Variants in KDM2B observed in about 807,000 individuals in gnomAD.
KDM2B encodes lysine demethylase 2B.
In KDM2B, 26 loss-of-function variants were observed where a neutral mutation model predicts 150.0. The ratio of observed to expected loss-of-function variants is 0.17; its 90% CI spans 0.13 to 0.24. The LOEUF is 0.24. Ranked by LOEUF, KDM2B falls within the 10% of genes least tolerant of loss-of-function variation. The pLI is 1.00. For synonymous variants in KDM2B, 734 were observed against 729.5 expected (o/e 1.01, Z -0.10); for missense variants, 1,265 against 1,816.9 (o/e 0.70, Z 5.52).
At chr12:121,557,231 A>ATT (rs142679491) in intron 4 of KDM2B, among the ~76,000 whole-genome samples, 162 of 103,682 alleles carry the variant, frequency 1.6e-3, no homozygotes, top group Middle Eastern at 0.015. Context: ...AGACAAGAGA[A>ATT]TTTTTTTTTT....
At chr12:121,427,180 G>A (rs147140995), downstream of KDM2B, among the ~76,000 whole-genome samples, 25 of 152,248 alleles carry the variant, frequency 1.6e-4, no homozygotes, top group Non-Finnish European at 3.2e-4. Flanking sequence ...CAGACATGGC[G>A]TGTAGGCTCA....
At chr12:121,443,646 C>T (rs539039577) in intron 17 of KDM2B, 34 bp downstream of exon 17, 161 of 1,350,970 alleles carry the variant, frequency 1.2e-4, no homozygotes, top group Middle Eastern at 2.3e-4. Flanking sequence ...CGCCAGTCCC[C>T]GGGGCCTCAG....
chr12:121,572,507 C>T (rs922438880), intron 4 of KDM2B, among the ~76,000 whole-genome samples: 1 of 152,184 alleles, frequency 6.6e-6, no homozygotes, highest in Non-Finnish European at 1.5e-5. Flanking sequence ...AGCTGATTCT[C>T]ATCAGTCAGG....
At chr12:121,448,732 C>T (rs1324248756) in intron 13 of KDM2B, among the ~76,000 whole-genome samples, 1 of 152,216 alleles carries the variant, frequency 6.6e-6, no homozygotes, top group Non-Finnish European at 1.5e-5. Context: ...GAAGGCAAGG[C>T]AGTCATCGTT....
At chr12:121,485,520 G>C (rs2140145787) in intron 12 of KDM2B, among the ~76,000 whole-genome samples, 1 of 152,138 alleles carries the variant, frequency 6.6e-6, no homozygotes, top group South Asian at 2.1e-4. Flanking sequence ...CCACTGTTAT[G>C]AGACCTTCAG....
chr12:121,569,871 G>A (rs1211908880), intron 4 of KDM2B, among the ~76,000 whole-genome samples: 5 of 147,686 alleles, frequency 3.4e-5, no homozygotes, highest in East Asian at 2.0e-4. Context: ...ACAGGATCTC[G>A]CTCTGTTGCC....
intron 11 of KDM2B, among the ~76,000 whole-genome samples, chr12:121,507,955 G>A (rs1353781946): frequency 2.6e-5 from 4 of 152,164 alleles, no homozygotes; most frequent in African/African-American, 9.7e-5. Context: ...AGGCTGCAGG[G>A]AGCCAAGCTC....
intron 2 of KDM2B, 25 bp downstream of exon 2, chr12:121,578,777 G>A (rs1555317312): frequency 2.0e-6 from 3 of 1,490,806 alleles, no homozygotes; most frequent in Non-Finnish European, 1.8e-6. Flanking sequence ...AGCGCAGAGG[G>A]CGGCCCGGGG....
At chr12:121,547,645 C>CTTTTT (rs55686141) in intron 6 of KDM2B, among the ~76,000 whole-genome samples, 1 of 80,268 alleles carries the variant, frequency 1.2e-5, no homozygotes, top group African/African-American at 4.2e-5. Flanking sequence ...CTTCCCCTTC[C>CTTTTT]TTTTTTTTTT....
chr12:121,414,248 A>C, the KDM2B span, among the ~76,000 whole-genome samples: 2 of 152,262 alleles, frequency 1.3e-5, no homozygotes, highest in Non-Finnish European at 2.9e-5. Flanking sequence ...TACCTCAGCT[A>C]TCTCGACTTC....
chr12:121,450,874 G>A (rs7957459), intron 13 of KDM2B, among the ~76,000 whole-genome samples: 9,374 of 151,562 alleles, frequency 0.062, 938 homozygotes, highest in African/African-American at 0.21. Flanking sequence ...AAAAAAAGAG[G>A]AAGAAACAGG....
chr12:121,442,885 C>A lies in KDM2B; in HGVS notation c.2605-49G>T, dbSNP rs782617128. ...TCAGCCTCTGGGGCTCAGGGCTGCGCCCGCCCAAGGCCTCCCGCCCCCCTG... is the reference window on the plus strand; with the variant it reads ...TCAGCCTCTGGGGCTCAGGGCTGCGACCGCCCAAGGCCTCCCGCCCCCCTG... On this transcript the variant is annotated intron_variant, in intron 18 of 22. Coordinates refer to ENST00000377071, the MANE Select transcript of KDM2B (RefSeq NM_032590.5). The surrounding 1 kb of genome is among the most constrained non-coding windows in gnomAD (Gnocchi z 7.7). The A allele has an allele frequency of 3.2e-6, 5 of 1,541,218 alleles. No homozygotes were observed. In the African/African-American group the frequency reaches 6.9e-5, roughly 21 times the overall value.
At chr12:121,576,646 G>A (rs1279640025) in intron 2 of KDM2B, among the ~76,000 whole-genome samples, 1 of 152,156 alleles carries the variant, frequency 6.6e-6, no homozygotes, top group Non-Finnish European at 1.5e-5. Context: ...CCTGGAGGAT[G>A]AAGGAGGCCT....
At chr12:121,444,829 C>G in intron 14 of KDM2B, 2 of 506,650 alleles carry the variant, frequency 3.9e-6, no homozygotes, top group South Asian at 2.1e-5. Flanking sequence ...GCCCATCTCA[C>G]TGGGGGGGTA....
intron 19 of KDM2B, 130 bp from the exon 20 acceptor site, chr12:121,441,363 CTA>C (rs1875002453): frequency 5.0e-6 from 4 of 805,352 alleles, no homozygotes; most frequent in Non-Finnish European, 3.8e-6. Flanking sequence ...GGACCCTTCT[CTA>C]TGTAGCACCT....
chr12:121,581,774 C>T (rs1264417816), upstream of KDM2B, among the ~76,000 whole-genome samples: 3 of 152,206 alleles, frequency 2.0e-5, no homozygotes, highest in African/African-American at 7.2e-5. Context: ...CCATATGGTC[C>T]CCAGGCTATC....
rs1885777644 is a variant in KDM2B, at chr12:121,513,612, C to T, written c.1048-210G>A. Among the ~76,000 whole-genome samples, 2 of 152,116 alleles carry T rather than the reference C, an allele frequency of 1.3e-5. No individual in the cohort carries two copies. On this transcript the variant is annotated intron_variant, in intron 9 of 22. Transcript: ENST00000377071. The surrounding 1 kb of genome is among the most constrained non-coding windows in gnomAD (Gnocchi z 5.0). ...AGGCGGAGGACGAGGCCCGCATGAG[C>T]GCCTCATCTCAAAGGTCCCTGAGCT...
intron 3 of KDM2B, among the ~76,000 whole-genome samples, 155 bp from the exon 4 acceptor site, chr12:121,574,748 A>G (rs781940177): frequency 1.3e-5 from 2 of 152,178 alleles, no homozygotes; most frequent in Non-Finnish European, 2.9e-5. Flanking sequence ...GAAGTAGACC[A>G]GTTGATGCCT....
At chr12:121,497,129 T>G (rs530190501) in intron 11 of KDM2B, among the ~76,000 whole-genome samples, 7 of 152,106 alleles carry the variant, frequency 4.6e-5, no homozygotes, top group African/African-American at 1.7e-4. Context: ...GCTCTAGAAC[T>G]GGCTCCAGGG....
Sources: gnomAD v4.1 joint callset for allele counts (sites outside exome capture counted in the v4.1 genomes callset) on GRCh38, gnomAD v4.1.1 for gene constraint, Gnocchi (gnomAD v3.1) non-coding constraint, MANE v1.5 for transcripts, NCBI Gene and HGNC (gene_info 2026-07-23, HGNC 2026-07-21) for gene names.